Variants in DDX11 observed in about 807,000 individuals in gnomAD.
DDX11 encodes DEAD/H-box helicase 11, also known as ATP-dependent DNA helicase DDX11.
In DDX11, 72 loss-of-function variants were observed where a neutral mutation model predicts 125.2. The observed-to-expected ratio is 0.58, with a 90% CI of 0.48 to 0.70. The LOEUF (loss-of-function observed/expected upper bound fraction) is 0.70, where lower values mean the gene tolerates loss of function less well. Ranked by LOEUF, DDX11 falls within the 30% of genes least tolerant of loss-of-function variation. The pLI is 0.00. For missense variants in DDX11, 883 were observed against 1,165.0 expected, an observed-to-expected ratio of 0.76 and a Z score of 3.52; for synonymous variants, 347 against 452.6, an observed-to-expected ratio of 0.77 and a Z score of 2.96.
intron 2 of DDX11, among the ~76,000 whole-genome samples, chr12:31,080,833 CT>C (rs1941772308): frequency 6.6e-6 from 1 of 152,204 alleles, no homozygotes; most frequent in Admixed American, 6.5e-5. Context: ...CAGCCTCAAC[CT>C]TCTGGCAACA....
At position 31,096,277 on chromosome 12, in the gene DDX11, T is replaced by C. The variant is rs1044288661; in HGVS notation, c.1483-64T>C. 149 of 1,460,652 alleles carry C rather than the reference T, an allele frequency of 1.0e-4. No individual in the cohort carries two copies. The Admixed American group carries it at 1.6e-3, about 16-fold the overall frequency. The allele number at this position is 1,460,652 out of a possible 1,614,324, so 90.5% of individuals were successfully genotyped here. On this transcript the variant is annotated intron_variant, in intron 14 of 26. Coordinates refer to ENST00000542838, the MANE Select transcript of DDX11 (RefSeq NM_030653.4). ...GTGGTAGAAGTGGTGTTTTTTGTTT[T>C]GTTTTTAAGATTATAGCTTGCTCAG...
chr12:31,077,366 G>C (rs11051236), intron 1 of DDX11, among the ~76,000 whole-genome samples: 81,048 of 151,924 alleles, frequency 0.53, 22,707 homozygotes, highest in East Asian at 0.82. Context: ...AAAGAGAAAT[G>C]CCTGGTCTCA....
At position 31,090,103 on chromosome 12, in the gene DDX11, C is replaced by T; in HGVS notation, c.1089+9C>T. On this transcript the variant is annotated intron_variant, in intron 9 of 26. Coordinates refer to ENST00000542838, the MANE Select transcript of DDX11 (RefSeq NM_030653.4). Reference sequence around the variant, plus strand: ...CCATCCCTGCAGCCCAGGTGAGGGCCCTGCAGGGCCAGAAAGCCGCTCTTG... The same window carrying T: ...CCATCCCTGCAGCCCAGGTGAGGGCTCTGCAGGGCCAGAAAGCCGCTCTTG... 1 of 1,549,098 alleles carries T rather than the reference C, an allele frequency of 6.5e-7. No individual in the cohort carries two copies. Among genetic ancestry groups the T allele is most frequent in the Admixed American group, 2.0e-5 (1 of 51,020 alleles).
chr12:31,102,318 G>T lies in DDX11; in HGVS notation c.2271+7G>T. The T allele has an allele frequency of 6.2e-7, 1 of 1,613,820 alleles. No individual in the cohort carries two copies. Among genetic ancestry groups the T allele is most frequent in the Non-Finnish European group, 8.5e-7 (1 of 1,179,644 alleles). ...ATATTCCAGGTGCATCCAGGTGCGG[G>T]CGTCATGCTGGGCTTGGGTCTGAGA... On this transcript the variant is annotated splice_region_variant and intron_variant, in intron 22 of 26. Coordinates refer to ENST00000542838, the MANE Select transcript of DDX11 (RefSeq NM_030653.4).
chr12:31,101,157 A>G (rs1243434792), intron 20 of DDX11, 27 bp downstream of exon 20: 1 of 1,601,048 alleles, frequency 6.2e-7, no homozygotes, highest in South Asian at 1.1e-5. Context: ...TCGCCGCACC[A>G]CAGCCTGGCC....
At chr12:31,102,743 G>T in intron 23 of DDX11, 193 bp from the exon 24 acceptor site, 1 of 720,502 alleles carries the variant, frequency 1.4e-6, no homozygotes, top group Non-Finnish European at 2.5e-6. Context: ...TCAGGACCCA[G>T]TCAATTGGCC....
At chr12:31,101,462 G>A (rs1214589716) in intron 20 of DDX11, 23 of 501,552 alleles carry the variant, frequency 4.6e-5, no homozygotes, top group Non-Finnish European at 6.9e-5. Flanking sequence ...GGGTAGGGAT[G>A]TGGGGCTTGG....
At chr12:31,100,551 G>A in intron 18 of DDX11, 84 bp from the exon 19 acceptor site, 2 of 1,248,710 alleles carry the variant, frequency 1.6e-6, no homozygotes, top group Non-Finnish European at 2.2e-6. Flanking sequence ...TGTACTTGCT[G>A]TCTCTTAGCC....
intron 5 of DDX11, chr12:31,085,958 G>A: frequency 2.2e-6 from 1 of 450,224 alleles, no homozygotes; most frequent in Non-Finnish European, 4.5e-6. Flanking sequence ...GAGGGTAACT[G>A]CAAGACCAGA....
chr12:31,088,119 C>T, intron 6 of DDX11, 136 bp downstream of exon 6: 5 of 1,377,692 alleles, frequency 3.6e-6, no homozygotes, highest in East Asian at 2.5e-5. Context: ...ACTTGGACTC[C>T]GTTGCTTCTT....
intron 10 of DDX11, among the ~76,000 whole-genome samples, chr12:31,092,088 G>C (rs1944350538): frequency 6.6e-6 from 1 of 152,246 alleles, no homozygotes; most frequent in African/African-American, 2.4e-5. Flanking sequence ...CACCTCATCT[G>C]CCCCCATGCT....
At chr12:31,103,211 T>A (rs1310792236) in intron 24 of DDX11, 106 bp from the exon 25 acceptor site, 1 of 1,523,646 alleles carries the variant, frequency 6.6e-7, no homozygotes, top group African/African-American at 1.4e-5. Flanking sequence ...GCTGCTGGCA[T>A]TGGCCACGAA....
At chr12:31,099,130 C>A (rs1289479898) in intron 18 of DDX11, among the ~76,000 whole-genome samples, 1 of 127,698 alleles carries the variant, frequency 7.8e-6, no homozygotes, top group Non-Finnish European at 1.6e-5. Context: ...CTCTGTCTCC[C>A]AGGCTGGAGC....
In DDX11 at chr12:31,092,905, C is replaced by T. The variant is rs2543281; in HGVS notation, c.1289+13C>T. ...TGGAGCGATACGGGTGAGATGTGAC[C>T]CTCTGAGGTAGTGGGACAGTCCCTT... On this transcript the variant is annotated intron_variant, in intron 11 of 26. Transcript: ENST00000542838. 6.2e-7 allele frequency: 1 copy of T among 1,613,984 alleles called. No individual in the cohort carries two copies. Among genetic ancestry groups the T allele is most frequent in the East Asian group, 2.2e-5 (1 of 44,876 alleles).
chr12:31,082,607 G>T (rs938480750), intron 2 of DDX11, among the ~76,000 whole-genome samples: 2 of 151,970 alleles, frequency 1.3e-5, no homozygotes, highest in African/African-American at 4.8e-5. Context: ...GGAGCAGAAG[G>T]CATGGGGTCC....
Position 31,104,271 on chromosome 12 carries a change from C to A in DDX11, c.*435C>A. 2 of 623,288 alleles carry A rather than the reference C, an allele frequency of 3.2e-6. No individual in the cohort carries two copies. The highest frequency in any genetic ancestry group is 2.2e-5 in the South Asian group (1 of 45,288). The allele number at this position is 623,288 out of a possible 1,614,324, so 38.6% of individuals were successfully genotyped here. A position where few individuals can be genotyped will look rare whatever the true frequency, so the allele number is the denominator to read the frequency against. On this transcript the variant is annotated 3_prime_UTR_variant, in exon 27 of 27. Coordinates refer to ENST00000542838, the MANE Select transcript of DDX11 (RefSeq NM_030653.4). ...CCAAGGTTATAGCTGCCCTGGACTG[C>A]TCACTCTCTGGTCTCAATTTAAAAT...
At chr12:31,082,181 A>G (rs982858444) in intron 2 of DDX11, among the ~76,000 whole-genome samples, 1 of 146,646 alleles carries the variant, frequency 6.8e-6, no homozygotes, top group Non-Finnish European at 1.5e-5. Context: ...GATGAAAACT[A>G]ATAGATCCCA....
Position 31,103,349 on chromosome 12 carries a change from G to C in DDX11, c.2490G>C (p.Lys830Asn). The change falls in exon 25 of 27, where the codon AAG (lysine) becomes AAC (asparagine). Residue 830 changes from lysine (K) to asparagine (N), a missense_variant. Around this residue, in one of 5 missense-constraint regions of DDX11, gnomAD observed 285 missense variants for 346.0 expected, o/e 0.82. Transcript: ENST00000542838. Reference protein sequence around the residue: ...PRAPGQAPPGKALVENLCMKA... With the variant: ...PRAPGQAPPGNALVENLCMKA... ...CCCCCGGCCAGGCACCCCCAGGGAAGGCTCTGGTGGAGAACCTGTGCATGA... is the reference window on the plus strand; with the variant it reads ...CCCCCGGCCAGGCACCCCCAGGGAACGCTCTGGTGGAGAACCTGTGCATGA... 1 of 1,611,250 alleles carries C rather than the reference G, an allele frequency of 6.2e-7. No individual in the cohort carries two copies. The highest frequency in any genetic ancestry group is 8.5e-7 in the Non-Finnish European group (1 of 1,179,652).
chr12:31,074,971 A>G (rs1366513425), intron 1 of DDX11, among the ~76,000 whole-genome samples: 2 of 152,224 alleles, frequency 1.3e-5, no homozygotes, highest in African/African-American at 4.8e-5. Flanking sequence ...GCCCACAACA[A>G]TAGTCTGTAC....
Sources: allele counts gnomAD v4.1 joint callset (sites outside exome capture counted in the v4.1 genomes callset), GRCh38; gene constraint gnomAD v4.1.1; regional missense constraint gnomAD v4.1.1; transcripts MANE v1.5; gene names NCBI Gene and HGNC (gene_info 2026-07-23, HGNC 2026-07-21).